Variants in AMZ1 observed in about 807,000 individuals in gnomAD.
The protein encoded by AMZ1 is archaemetzincin-1.
AMZ1 carries 39 observed loss-of-function variants against 29.9 expected under a neutral mutation model. That is an observed-to-expected ratio of 1.30 (90% CI 1.01 to 1.70). AMZ1 has a LOEUF of 1.70. Among genes scored for constraint, AMZ1 ranks in the 40% most tolerant of loss-of-function variants. The pLI, the probability that AMZ1 is intolerant of heterozygous loss-of-function variation, is 0.00. For synonymous variants in AMZ1, 458 were observed against 304.0 expected (o/e 1.51, Z -5.27); for missense variants, 1,041 against 680.6 (o/e 1.53, Z -5.89).
In AMZ1 at chr7:2,713,953, G is replaced by A. The variant is rs146715026; in HGVS notation, c.*1075G>A. 3 of 152,268 alleles carry A rather than the reference G, an allele frequency of 2.0e-5. No homozygotes were observed. Among genetic ancestry groups the A allele is most frequent in the Non-Finnish European group, 4.4e-5 (3 of 68,042 alleles). 9.4% of individuals were successfully genotyped at this position (152,268 alleles called of 1,614,324 possible). A position where few individuals can be genotyped will look rare whatever the true frequency, so the allele number is the denominator to read the frequency against. ...CTAGTTCTGTCAGTTGCTGAGAGAG[G>A]GGTATTATTGCCATGGCTGGGCGTT... is the stretch of plus-strand genomic sequence containing the variant. On this transcript the variant is annotated 3_prime_UTR_variant, in exon 7 of 7. Coordinates refer to ENST00000683327, the MANE Select transcript of AMZ1 (RefSeq NM_001384743.1).
intron 2 of AMZ1, 147 bp downstream of exon 2, chr7:2,700,902 G>A (rs773699105): frequency 5.1e-6 from 6 of 1,172,690 alleles, no homozygotes; most frequent in South Asian, 1.6e-5. Context: ...TGGAGGCAGG[G>A]AGGTCCTGGC....
chr7:2,751,931 G>A (rs1200857649), intron 4 of AMZ1, among the ~76,000 whole-genome samples: 2 of 152,084 alleles, frequency 1.3e-5, no homozygotes, highest in Non-Finnish European at 2.9e-5. Flanking sequence ...ACGTAAAGAA[G>A]AAATAACACT....
chr7:2,712,022 G>A (rs185834779), intron 6 of AMZ1, among the ~76,000 whole-genome samples: 136 of 151,504 alleles, frequency 9.0e-4, no homozygotes, highest in African/African-American at 2.8e-3. Flanking sequence ...ACTCCAGCCT[G>A]GCCAACAGAG....
At chr7:2,695,359 C>T (rs1250725601) in intron 1 of AMZ1, among the ~76,000 whole-genome samples, 1 of 152,100 alleles carries the variant, frequency 6.6e-6, no homozygotes, top group Admixed American at 6.6e-5. Flanking sequence ...CTGCATAGAA[C>T]CCACGTGGTC....
chr7:2,701,921 C>T (rs1416522481), intron 2 of AMZ1: 1 of 152,402 alleles, frequency 6.6e-6, no homozygotes, highest in Non-Finnish European at 1.5e-5. Context: ...CACCTCCCTG[C>T]TAATGGCTCA....
chr7:2,712,937 A>G lies in AMZ1; in HGVS notation c.*59A>G, dbSNP rs566803642. 84 of 1,470,052 alleles carry G rather than the reference A, an allele frequency of 5.7e-5. No homozygotes were observed. The African/African-American group carries it at 1.0e-3, about 17-fold the overall frequency. The allele number at this position is 1,470,052 out of a possible 1,614,324, so 91.1% of individuals were successfully genotyped here. ...AGGATGCTGGCCAGCACTGTCCAGT[A>G]GCTGAGGCCACTACTGACCTGCCAG... On this transcript the variant is annotated 3_prime_UTR_variant, in exon 7 of 7. Transcript: ENST00000683327.
At chr7:2,683,720 G>A (rs1786969684), upstream of AMZ1, among the ~76,000 whole-genome samples, 2 of 151,986 alleles carry the variant, frequency 1.3e-5, no homozygotes, top group East Asian at 2.0e-4. Flanking sequence ...TTAGAGACGC[G>A]AGCCACCGCG....
intron 1 of AMZ1, among the ~76,000 whole-genome samples, chr7:2,688,554 G>A (rs955517090): frequency 7.9e-5 from 12 of 152,274 alleles, no homozygotes; most frequent in African/African-American, 2.9e-4. Context: ...GCCAGGGAAG[G>A]GCCACGCGCC....
intron 4 of AMZ1, among the ~76,000 whole-genome samples, chr7:2,735,846 G>A (rs1467992311): frequency 6.6e-6 from 1 of 152,180 alleles, no homozygotes. Context: ...CCACTGAACT[G>A]TAAGGTGCCA....
rs1484135522 is a variant in AMZ1, at chr7:2,717,627, G to A, written c.*4749G>A. On this transcript the variant is annotated 3_prime_UTR_variant, in exon 7 of 7. Transcript: ENST00000683327. ...CACGAGGCTGTCAAAGATAAACACC[G>A]CAGGGTAATCTAGGAAACACTTCCG... is the stretch of plus-strand genomic sequence containing the variant. Among the ~76,000 whole-genome samples the A allele has an allele frequency of 6.6e-6, 1 of 152,198 alleles. No homozygotes were observed. Among genetic ancestry groups the A allele is most frequent in the East Asian group, 1.9e-4 (1 of 5,186 alleles).
chr7:2,692,396 G>T (rs1342884535), intron 1 of AMZ1, among the ~76,000 whole-genome samples: 1 of 152,180 alleles, frequency 6.6e-6, no homozygotes, highest in Non-Finnish European at 1.5e-5. Flanking sequence ...AAAAAAATTA[G>T]CCGGGTGTGG....
intron 4 of AMZ1, among the ~76,000 whole-genome samples, chr7:2,739,840 T>C (rs1230851621): frequency 1.2e-4 from 18 of 152,106 alleles, no homozygotes; most frequent in Admixed American, 1.2e-3. Context: ...CCTGGCTAAT[T>C]TTTGTATTTT....
chr7:2,695,971 T>C (rs1176898252), intron 1 of AMZ1, among the ~76,000 whole-genome samples: 1 of 145,980 alleles, frequency 6.9e-6, no homozygotes, highest in Non-Finnish European at 1.5e-5. Context: ...ATAGTGCCAT[T>C]GGACTCCAGC....
At chr7:2,728,612 C>G (rs1186619928) in intron 4 of AMZ1, 1 of 152,570 alleles carries the variant, frequency 6.6e-6, no homozygotes, top group Non-Finnish European at 1.5e-5. Context: ...GCACAACTAC[C>G]TCCTGCTTTT....
At chr7:2,688,624 CTG>C (rs1787195800) in intron 1 of AMZ1, among the ~76,000 whole-genome samples, 1 of 152,198 alleles carries the variant, frequency 6.6e-6, no homozygotes, top group African/African-American at 2.4e-5. Context: ...TGGGAGCAAA[CTG>C]GGGACGGGTC....
In AMZ1 at chr7:2,717,207, G is replaced by A. The variant is rs1486456388; in HGVS notation, c.*4329G>A. On this transcript the variant is annotated 3_prime_UTR_variant, in exon 7 of 7. Coordinates refer to ENST00000683327, the MANE Select transcript of AMZ1 (RefSeq NM_001384743.1). ...AACGAAAACACCCCCGTGATTGCTG[G>A]GGCTTCACTGATTTGTTTTGTTTAT... Among the ~76,000 whole-genome samples, 1 of 152,236 alleles carries A rather than the reference G, an allele frequency of 6.6e-6. No individual in the cohort carries two copies. Among genetic ancestry groups the A allele is most frequent in the Non-Finnish European group, 1.5e-5 (1 of 68,044 alleles).
Position 2,717,491 on chromosome 7 carries a change from G to T in AMZ1, c.*4613G>T, listed in dbSNP as rs138516002. 7.4e-4 allele frequency among the ~76,000 whole-genome samples: 113 copies of T among 152,336 alleles called. 1 individual carries two copies. Among genetic ancestry groups the T allele is most frequent in the African/African-American group, 2.7e-3 (112 of 41,576 alleles). On this transcript the variant is annotated 3_prime_UTR_variant, in exon 7 of 7. Transcript: ENST00000683327. ...GGGCTCTCTGGAGCTCACCCCGCAC[G>T]CAGGCTGCTCCAGAGCTGAAATCTA...
rs368691531 is a variant in AMZ1, at chr7:2,700,445, G to A, written c.-7G>A. On this transcript the variant is annotated 5_prime_UTR_variant, in exon 2 of 7. Transcript: ENST00000683327. ...TCCCAGGAGTGGCCAGGCCCTGCCCGCCCACCATGCTGCAGTGTAGACCCG... is the reference window on the plus strand; with the variant it reads ...TCCCAGGAGTGGCCAGGCCCTGCCCACCCACCATGCTGCAGTGTAGACCCG... The A allele has an allele frequency of 1.7e-4, 275 of 1,594,068 alleles. 1 individual carries two copies. In the African/African-American group the frequency reaches 2.9e-3, roughly 17 times the overall value.
At chr7:2,703,480 C>G (rs116309585) in intron 3 of AMZ1, among the ~76,000 whole-genome samples, 1 of 149,522 alleles carries the variant, frequency 6.7e-6, no homozygotes, top group African/African-American at 2.5e-5. Flanking sequence ...ATGGCTCCAA[C>G]CTTCCGTCTT....
Sources: gnomAD v4.1 joint callset for allele counts (sites outside exome capture counted in the v4.1 genomes callset) on GRCh38, gnomAD v4.1.1 for gene constraint, MANE v1.5 for transcripts, NCBI Gene and HGNC (gene_info 2026-07-23, HGNC 2026-07-21) for gene names.